Variants in PLCB4 observed in about 807,000 individuals in gnomAD.
PLCB4 encodes the protein phospholipase C beta 4.
A neutral mutation model predicts 178.8 loss-of-function variants in PLCB4; 77 were observed. That is an observed-to-expected ratio of 0.43 (90% CI 0.36 to 0.52). The LOEUF (loss-of-function observed/expected upper bound fraction) is 0.52, where lower values mean the gene tolerates loss of function less well. PLCB4 is among the 20% of genes least tolerant of loss of function. The pLI, the probability that PLCB4 is intolerant of heterozygous loss-of-function variation, is 0.00. For missense variants in PLCB4, 1,024 were observed against 1,453.4 expected (o/e 0.70, Z 4.80); for synonymous variants, 496 against 490.8 (o/e 1.01, Z -0.14).
At position 9,444,040 on chromosome 20, in the gene PLCB4, C is replaced by T; in HGVS notation, c.2814+10C>T. 1 of 1,592,034 alleles carries T rather than the reference C, an allele frequency of 6.3e-7. No homozygotes were observed. The highest frequency in any genetic ancestry group is 1.1e-5 in the South Asian group (1 of 89,242). The stretch of plus-strand genomic sequence containing the variant: ...CTTAAAGCAGATGAAGGTAAAATTG[C>T]TTGACTATTTTGCAAGCACTCTTGT... On this transcript the variant is annotated intron_variant, in intron 31 of 39. Transcript: ENST00000378473.
At chr20:9,149,961 T>C (rs1273136792) in intron 2 of PLCB4, among the ~76,000 whole-genome samples, 2 of 152,160 alleles carry the variant, frequency 1.3e-5, no homozygotes, top group East Asian at 3.9e-4. Flanking sequence ...TGGGCGCTTA[T>C]TCACTGATGT....
At chr20:9,125,144 C>T (rs1352356161) in intron 2 of PLCB4, among the ~76,000 whole-genome samples, 5 of 152,066 alleles carry the variant, frequency 3.3e-5, no homozygotes, top group East Asian at 3.9e-4. Flanking sequence ...ATGAGAACAC[C>T]GTGATCCAGT....
At chr20:9,455,736 G>T (rs1053993165) in intron 33 of PLCB4, among the ~76,000 whole-genome samples, 3 of 152,156 alleles carry the variant, frequency 2.0e-5, no homozygotes, top group Non-Finnish European at 4.4e-5. Flanking sequence ...CTAAAGAGTA[G>T]AATCTTAGCA....
intron 3 of PLCB4, among the ~76,000 whole-genome samples, chr20:9,269,764 T>A (rs16995710): frequency 0.043 from 6,619 of 152,274 alleles, 219 homozygotes; most frequent in East Asian, 0.17. Flanking sequence ...CCTGAAATGC[T>A]GGTGAATGAT....
rs1384574298 is a variant in PLCB4 at position 9,309,453 on chromosome 20, C to A, written c.84+1555C>A. Among the ~76,000 whole-genome samples the A allele has an allele frequency of 3.9e-5, 6 of 152,220 alleles. No individual in the cohort carries two copies. The East Asian group carries it at 1.2e-3, about 29-fold the overall frequency. ...TTTTGCCACCACTAACCTATCCTTGCATATTTTACACTGCCTTCACATTTT... is the reference window on the plus strand; with the variant it reads ...TTTTGCCACCACTAACCTATCCTTGAATATTTTACACTGCCTTCACATTTT... On this transcript the variant is annotated intron_variant, in intron 4 of 39. Coordinates refer to ENST00000378473, the MANE Select transcript of PLCB4 (RefSeq NM_001377142.1).
At chr20:9,090,223 TTATG>T (rs1432872657) in intron 1 of PLCB4, among the ~76,000 whole-genome samples, 9 of 45,786 alleles carry the variant, frequency 2.0e-4, no homozygotes, top group African/African-American at 6.3e-4. Context: ...AGAATACTAT[TTATG>T]TGTGTGTGTG....
At position 9,116,050 on chromosome 20, in the gene PLCB4, A is replaced by G. The variant is rs187139828; in HGVS notation, c.-79+19708A>G. Among the ~76,000 whole-genome samples, 418 of 152,068 alleles carry G rather than the reference A, an allele frequency of 2.7e-3. 1 individual carries two copies. The highest frequency in any genetic ancestry group is 9.7e-3 in the African/African-American group (403 of 41,428). ...TTTGAATCCTCCACATGGACCACAC[A>G]TATTTATAGCTAGAAATGTGAATAT... On this transcript the variant is annotated intron_variant, in intron 2 of 39. Coordinates refer to ENST00000378473, the MANE Select transcript of PLCB4 (RefSeq NM_001377142.1).
intron 2 of PLCB4, among the ~76,000 whole-genome samples, chr20:9,143,605 A>T (rs1255533165): frequency 2.0e-5 from 3 of 152,118 alleles, no homozygotes; most frequent in African/African-American, 7.2e-5. Context: ...CTTAGCCTCC[A>T]CTTTCGACTT....
intron 1 of PLCB4, among the ~76,000 whole-genome samples, chr20:9,088,837 A>G (rs942084247): frequency 4.6e-5 from 7 of 152,160 alleles, no homozygotes; most frequent in African/African-American, 1.7e-4. Context: ...ATATAGGTAT[A>G]TTCATAAATG....
At chr20:9,328,975 A>G (rs1433572373) in intron 4 of PLCB4, among the ~76,000 whole-genome samples, 1 of 151,044 alleles carries the variant, frequency 6.6e-6, no homozygotes, top group Non-Finnish European at 1.5e-5. Context: ...TGATTTACAC[A>G]GGGGATGAAA....
intron 3 of PLCB4, among the ~76,000 whole-genome samples, chr20:9,271,743 A>G (rs2206138): frequency 0.52 from 78,505 of 151,992 alleles, 23,114 homozygotes; most frequent in African/African-American, 0.81. Context: ...TTTCCAAAAT[A>G]GCAAATGTAG....
intron 36 of PLCB4, among the ~76,000 whole-genome samples, chr20:9,472,242 T>C (rs1045254967): frequency 1.2e-4 from 19 of 152,312 alleles, no homozygotes; most frequent in Non-Finnish European, 1.6e-4. Context: ...CAGCATCACC[T>C]GGGAGCTTAC....
rs188621681 is a variant in PLCB4, at chr20:9,294,807, A to G, written c.-15-12993A>G. ...ATGGGGGTTGAGATTTTGCATTTCT[A>G]AGAAGTCCCAGGTGATGTCTGCTGT... On this transcript the variant is annotated intron_variant, in intron 3 of 39. Transcript: ENST00000378473. 1.2e-3 allele frequency among the ~76,000 whole-genome samples: 185 copies of G among 152,160 alleles called. 1 individual carries two copies. Among genetic ancestry groups the G allele is most frequent in the Admixed American group, 3.5e-3 (53 of 15,270 alleles).
chr20:9,249,007 C>G (rs962132340), intron 3 of PLCB4, among the ~76,000 whole-genome samples: 20 of 152,270 alleles, frequency 1.3e-4, no homozygotes, highest in African/African-American at 4.6e-4. Context: ...TGCCTGCTTT[C>G]CTTGGCGTGT....
At position 9,380,176 on chromosome 20, in the gene PLCB4, A is replaced by T; in HGVS notation, c.853+14A>T. The T allele has an allele frequency of 7.9e-7, 1 of 1,263,632 alleles. No homozygotes were observed. Among genetic ancestry groups the T allele is most frequent in the Non-Finnish European group, 1.1e-6 (1 of 900,120 alleles). 78.3% of individuals were successfully genotyped at this position (1,263,632 alleles called of 1,614,324 possible). A position where few individuals can be genotyped will look rare whatever the true frequency, so the allele number is the denominator to read the frequency against. ...TGAAGAAAAAAGGTAATAAACATGA[A>T]AAAAGGACTTAAAAAAAAAAACAAG... is the stretch of plus-strand genomic sequence containing the variant. On this transcript the variant is annotated intron_variant, in intron 13 of 39. Coordinates refer to ENST00000378473, the MANE Select transcript of PLCB4 (RefSeq NM_001377142.1).
intron 2 of PLCB4, among the ~76,000 whole-genome samples, chr20:9,184,599 C>CAAAA (rs56964078): frequency 1.7e-5 from 2 of 118,448 alleles, no homozygotes; most frequent in Non-Finnish European, 3.7e-5. Flanking sequence ...CATTGTGCCT[C>CAAAA]AAAAAAAAAA....
chr20:9,412,222 A>G (rs1468403847), intron 25 of PLCB4, among the ~76,000 whole-genome samples: 1 of 152,224 alleles, frequency 6.6e-6, no homozygotes, highest in Non-Finnish European at 1.5e-5. Flanking sequence ...CAAGTGTTCC[A>G]ACCCAGGAGA....
chr20:9,439,588 G>C (rs933221517), intron 30 of PLCB4, among the ~76,000 whole-genome samples: 4 of 152,174 alleles, frequency 2.6e-5, no homozygotes, highest in African/African-American at 9.7e-5. Context: ...GTATAGAAAA[G>C]CTTTGGAGTT....
chr20:9,087,618 G>A (rs937714318), intron 1 of PLCB4, among the ~76,000 whole-genome samples: 4 of 152,142 alleles, frequency 2.6e-5, no homozygotes, highest in African/African-American at 9.7e-5. Flanking sequence ...GGGAAGAAAA[G>A]GAATTCCTGG....
Sources: allele counts gnomAD v4.1 joint callset (sites outside exome capture counted in the v4.1 genomes callset), GRCh38; gene constraint gnomAD v4.1.1; transcripts MANE v1.5; gene names NCBI Gene and HGNC (gene_info 2026-07-23, HGNC 2026-07-21).